Variants in CDK5RAP2 observed in about 807,000 individuals in gnomAD.
The protein encoded by CDK5RAP2 is CDK5 regulatory subunit associated protein 2, also known as CDK5 regulatory subunit-associated protein 2.
A neutral mutation model predicts 232.9 loss-of-function variants in CDK5RAP2; 147 were observed. That is an observed-to-expected ratio of 0.63 (90% CI 0.55 to 0.72). The LOEUF (loss-of-function observed/expected upper bound fraction) is 0.72. CDK5RAP2 is among the 30% of genes least tolerant of loss of function. CDK5RAP2 has a pLI of 0.00. For synonymous variants in CDK5RAP2, 833 were observed against 833.7 expected (o/e 1.00, Z 0.01); for missense variants, 2,195 against 2,231.5 (o/e 0.98, Z 0.33).
At position 120,518,461 on chromosome 9, in the gene CDK5RAP2, T is replaced by C; in HGVS notation, c.1277A>G (p.His426Arg). 1 of 1,613,938 alleles carries C rather than the reference T, an allele frequency of 6.2e-7. No homozygotes were observed. The highest frequency in any genetic ancestry group is 8.5e-7 in the Non-Finnish European group (1 of 1,180,000). ...ERLEKDLEEA[H>R]REKSKGDCTI... ...GCAGTCTCCTTTGCTCTTCTCTCGA[T>C]GGGCTTCCTCCAGGTCCTTCTCCAG... The change falls in exon 12 of 38, where the codon CAT becomes CGT. Residue 426 changes from histidine (H) to arginine (R), a missense_variant. Transcript: ENST00000349780.
chr9:120,445,207 C>A (rs2036116349), intron 22 of CDK5RAP2, among the ~76,000 whole-genome samples: 1 of 152,194 alleles, frequency 6.6e-6, no homozygotes, highest in Non-Finnish European at 1.5e-5. Context: ...TCCCATAGCT[C>A]TCATATCATG....
intron 3 of CDK5RAP2, among the ~76,000 whole-genome samples, chr9:120,558,112 C>T (rs1325373982): frequency 4.9e-5 from 7 of 143,888 alleles, no homozygotes; most frequent in Admixed American, 2.0e-4. Context: ...CGGTGACTCA[C>T]GCCTGTAATC....
chr9:120,541,563 G>A (rs927639940), intron 5 of CDK5RAP2, among the ~76,000 whole-genome samples: 1 of 152,168 alleles, frequency 6.6e-6, no homozygotes, highest in Non-Finnish European at 1.5e-5. Flanking sequence ...GCAACAATAT[G>A]ACTGCTTTCG....
chr9:120,540,952 C>G (rs560383556), intron 5 of CDK5RAP2, among the ~76,000 whole-genome samples: 3 of 152,208 alleles, frequency 2.0e-5, no homozygotes, highest in Non-Finnish European at 4.4e-5. Flanking sequence ...CTGATTAATA[C>G]CATTGAATGC....
chr9:120,389,856 T>C (rs1261519250), intron 36 of CDK5RAP2, 69 bp from the exon 37 acceptor site: 1 of 1,460,540 alleles, frequency 6.8e-7, no homozygotes, highest in Non-Finnish European at 9.6e-7. Context: ...GAAAGCCAAG[T>C]GCAGGGAGGA....
chr9:120,488,444 T>C (rs2038726127), intron 13 of CDK5RAP2, among the ~76,000 whole-genome samples: 1 of 152,204 alleles, frequency 6.6e-6, no homozygotes, highest in African/African-American at 2.4e-5. Flanking sequence ...CAAATAGTAC[T>C]ACAGGCTTAA....
At chr9:120,454,746 G>A (rs2036661099) in intron 20 of CDK5RAP2, among the ~76,000 whole-genome samples, 1 of 152,216 alleles carries the variant, frequency 6.6e-6, no homozygotes, top group Admixed American at 6.5e-5. Flanking sequence ...CAACCAGTGA[G>A]AGAAGACAGC....
At position 120,576,429 on chromosome 9, in the gene CDK5RAP2, G is replaced by A. The variant is rs1197549204; in HGVS notation, c.59+3491C>T. Among the ~76,000 whole-genome samples, 6 of 152,166 alleles carry A rather than the reference G, an allele frequency of 3.9e-5. No homozygotes were observed. The South Asian group carries it at 8.3e-4, about 21-fold the overall frequency. ...ATCAATACCACAATGAGGGCCAGGC[G>A]GGGTGGCTCACTCCTGTAACCCAGC... On this transcript the variant is annotated intron_variant, in intron 1 of 37. Transcript: ENST00000349780.
chr9:120,467,827 T>A, intron 18 of CDK5RAP2, 33 bp downstream of exon 18: 2 of 1,612,160 alleles, frequency 1.2e-6, no homozygotes, highest in Non-Finnish European at 1.7e-6. Context: ...TATATTTTTG[T>A]AATCAGCACA....
At chr9:120,572,509 C>A (rs894306532) in intron 1 of CDK5RAP2, among the ~76,000 whole-genome samples, 1 of 152,210 alleles carries the variant, frequency 6.6e-6, no homozygotes, top group Admixed American at 6.5e-5. Context: ...CCTATCACCA[C>A]CTCTGGGAAT....
At position 120,452,238 on chromosome 9, in the gene CDK5RAP2, G is replaced by GTCTCTCTCTC. The variant is rs373806149; in HGVS notation, c.2793+1208_2793+1217dup. Among the ~76,000 whole-genome samples the GTCTCTCTCTC allele has an allele frequency of 7.8e-3, 1,122 of 142,944 alleles. 19 individuals carry two copies. Among genetic ancestry groups the GTCTCTCTCTC allele is most frequent in the African/African-American group, 0.028 (1,083 of 38,716 alleles). The allele number at this position is 142,944 out of a possible 152,430, so 93.8% of individuals were successfully genotyped here. A position where few individuals can be genotyped will look rare whatever the true frequency, so the allele number is the denominator to read the frequency against. The stretch of plus-strand genomic sequence containing the variant: ...TTCTAGTACCGTTAATATAATGGCA[G>GTCTCTCTCTC]TCTCTCTCTCTCTCTCTCTCTCTCT... On this transcript the variant is annotated intron_variant, in intron 21 of 37. Transcript: ENST00000349780.
At chr9:120,423,508 C>T (rs991728519) in intron 25 of CDK5RAP2, among the ~76,000 whole-genome samples, 3 of 152,096 alleles carry the variant, frequency 2.0e-5, no homozygotes, top group African/African-American at 7.2e-5. Flanking sequence ...CAAAAGAAAA[C>T]AAAATAAAGC....
intron 11 of CDK5RAP2, among the ~76,000 whole-genome samples, chr9:120,520,796 T>TATCTCATGAGATATATCTCAG (rs2040603048): frequency 2.7e-5 from 4 of 149,130 alleles, no homozygotes; most frequent in Admixed American, 2.7e-4. Context: ...ATATATCTCA[T>TATCTCATGAGATATATCTCAG]ATATCTCATG....
At position 120,411,417 on chromosome 9, in the gene CDK5RAP2, A is replaced by G; in HGVS notation, c.4355T>C (p.Ile1452Thr). The change falls in exon 29 of 38, where the codon ATT (isoleucine) becomes ACT (threonine). Residue 1452 changes from isoleucine (I) to threonine (T), a missense_variant. Transcript: ENST00000349780. ...CTGGTTCTGCTTCCTCAAGAAATGA[A>G]TTTCTGATGTTAGAGAACTATGAAG... Reference protein sequence around the residue: ...SELHSSLTSEIHFLRKQNQAL... With the variant: ...SELHSSLTSETHFLRKQNQAL... 6.2e-7 allele frequency: 1 copy of G among 1,613,768 alleles called. No individual in the cohort carries two copies. The highest frequency in any genetic ancestry group is 1.1e-5 in the South Asian group (1 of 91,074).
chr9:120,432,537 T>C (rs1053124484), intron 25 of CDK5RAP2, among the ~76,000 whole-genome samples: 1 of 152,106 alleles, frequency 6.6e-6, no homozygotes, highest in Non-Finnish European at 1.5e-5. Flanking sequence ...GCCAGACCCC[T>C]TATATGAATC....
At chr9:120,470,017 C>G (rs373332929) in intron 17 of CDK5RAP2, 94 bp downstream of exon 17, 3 of 692,206 alleles carry the variant, frequency 4.3e-6, no homozygotes, top group Admixed American at 4.5e-5. Context: ...AGGAGAGAGG[C>G]CTTCAGAATC....
intron 11 of CDK5RAP2, among the ~76,000 whole-genome samples, chr9:120,522,166 T>C (rs2040696890): frequency 6.6e-6 from 1 of 152,160 alleles, no homozygotes; most frequent in Non-Finnish European, 1.5e-5. Context: ...CCCCCATACA[T>C]AAACAAATAA....
intron 27 of CDK5RAP2, among the ~76,000 whole-genome samples, chr9:120,416,564 T>C (rs1355234103): frequency 1.3e-5 from 2 of 152,222 alleles, no homozygotes; most frequent in Non-Finnish European, 2.9e-5. Context: ...AAATTCTATA[T>C]TACATTTTAA....
chr9:120,392,500 C>G (rs1003359011), intron 36 of CDK5RAP2, among the ~76,000 whole-genome samples: 3 of 152,218 alleles, frequency 2.0e-5, no homozygotes, highest in African/African-American at 7.2e-5. Context: ...TCTCACCTGT[C>G]AATAGGGTTA....
Sources: allele counts gnomAD v4.1 joint callset (sites outside exome capture counted in the v4.1 genomes callset), GRCh38; gene constraint gnomAD v4.1.1; transcripts MANE v1.5; gene names NCBI Gene and HGNC (gene_info 2026-07-23, HGNC 2026-07-21).